Variants in SH3BGRL2 observed in about 807,000 individuals in gnomAD.
The protein encoded by SH3BGRL2 is SH3 domain binding glutamate rich protein like 2.
Under a neutral mutation model 14.8 loss-of-function variants are expected in SH3BGRL2, and 21 were observed. The ratio of observed to expected loss-of-function variants is 1.42; its 90% confidence interval spans 1.01 to 2.05. SH3BGRL2 has a LOEUF of 2.05. SH3BGRL2 is among the 30% of genes most tolerant of loss of function. The pLI is 0.00. For missense variants in SH3BGRL2, 147 were observed against 130.8 expected, an observed-to-expected ratio of 1.12 and a Z score of -0.61; for synonymous variants, 50 against 47.8, an observed-to-expected ratio of 1.05 and a Z score of -0.19.
chr6:79,589,944 GT>G, the SH3BGRL2 span, among the ~76,000 whole-genome samples: 1 of 150,076 alleles, frequency 6.7e-6, no homozygotes, highest in African/African-American at 2.4e-5. Context: ...ACTAATTTTT[GT>G]TTTTTTTTGT....
the SH3BGRL2 span, among the ~76,000 whole-genome samples, chr6:79,558,108 A>G: frequency 6.6e-6 from 1 of 152,234 alleles, no homozygotes. Flanking sequence ...CAGTCAAATG[A>G]GTTTCACTTG....
intron 1 of SH3BGRL2, among the ~76,000 whole-genome samples, chr6:79,648,166 C>T (rs1769179771): frequency 6.7e-6 from 1 of 148,278 alleles, no homozygotes; most frequent in Non-Finnish European, 1.5e-5. Flanking sequence ...GAGCTTACAG[C>T]TTCAAGGCCT....
chr6:79,582,340 C>T, the SH3BGRL2 span, among the ~76,000 whole-genome samples: 11 of 152,190 alleles, frequency 7.2e-5, no homozygotes, highest in African/African-American at 2.6e-4. Context: ...CAATCCTAAG[C>T]AAAAAGAACA....
Position 79,673,601 on chromosome 6 carries a change from C to T in SH3BGRL2, c.46-13C>T, listed in dbSNP as rs1164230393. ...TAAGCGTATCTACTTATTTGTTTGT[C>T]TTCTCTCTTTAGATAAAGAAGAAGC... On this transcript the variant is annotated splice_polypyrimidine_tract_variant and intron_variant, in intron 1 of 3. Transcript: ENST00000369838. 6.2e-7 allele frequency: 1 copy of T among 1,612,360 alleles called. No homozygotes were observed. The highest frequency in any genetic ancestry group is 1.7e-5 in the Admixed American group (1 of 59,762).
the SH3BGRL2 span, among the ~76,000 whole-genome samples, chr6:79,586,237 T>TG: frequency 1.3e-5 from 1 of 77,484 alleles, no homozygotes; most frequent in Non-Finnish European, 3.0e-5. Context: ...ATGGACTTCT[T>TG]TTTTTTTTTT....
chr6:79,550,272 G>A, the SH3BGRL2 span, among the ~76,000 whole-genome samples: 1 of 151,958 alleles, frequency 6.6e-6, no homozygotes, highest in African/African-American at 2.4e-5. Context: ...TGCAGCTACT[G>A]GTAACAGGAA....
chr6:79,656,814 GA>G (rs1489873279), intron 1 of SH3BGRL2, among the ~76,000 whole-genome samples: 2 of 151,934 alleles, frequency 1.3e-5, no homozygotes, highest in Non-Finnish European at 1.5e-5. Context: ...GGGGGTTGGG[GA>G]GAGCTCCTGA....
chr6:79,624,995 C>T, the SH3BGRL2 span, among the ~76,000 whole-genome samples: 1 of 151,842 alleles, frequency 6.6e-6, no homozygotes, highest in Non-Finnish European at 1.5e-5. Context: ...ACATAGACTC[C>T]GTGTCTACAA....
chr6:79,538,602 G>C, the SH3BGRL2 span, among the ~76,000 whole-genome samples: 1 of 152,132 alleles, frequency 6.6e-6, no homozygotes, highest in Non-Finnish European at 1.5e-5. Context: ...TGTTAAAATA[G>C]CTCACTCGTT....
the SH3BGRL2 span, among the ~76,000 whole-genome samples, chr6:79,581,112 AC>A: frequency 6.6e-6 from 1 of 152,182 alleles, no homozygotes; most frequent in Non-Finnish European, 1.5e-5. Flanking sequence ...ATCTGAATAG[AC>A]CAATAACAGG....
At chr6:79,547,215 A>G in the SH3BGRL2 span, among the ~76,000 whole-genome samples, 1 of 151,892 alleles carries the variant, frequency 6.6e-6, no homozygotes, top group Non-Finnish European at 1.5e-5. Flanking sequence ...TATGACCTTA[A>G]AGGACATGGC....
chr6:79,699,219 A>G (rs549317344), intron 3 of SH3BGRL2, among the ~76,000 whole-genome samples: 16 of 152,322 alleles, frequency 1.1e-4, no homozygotes, highest in Admixed American at 7.2e-4. Context: ...GCCATACACA[A>G]GTGGAACAGT....
At chr6:79,615,036 C>T in the SH3BGRL2 span, among the ~76,000 whole-genome samples, 9 of 131,664 alleles carry the variant, frequency 6.8e-5, no homozygotes, top group Admixed American at 7.6e-5. Context: ...TATAGGTTGC[C>T]TGCATAAGCG....
At chr6:79,596,271 A>C in the SH3BGRL2 span, among the ~76,000 whole-genome samples, 3 of 152,204 alleles carry the variant, frequency 2.0e-5, no homozygotes, top group South Asian at 6.2e-4. Flanking sequence ...CGATCCTCCC[A>C]CCTCAGCACC....
chr6:79,564,981 C>G, the SH3BGRL2 span, among the ~76,000 whole-genome samples: 143 of 152,152 alleles, frequency 9.4e-4, no homozygotes, highest in African/African-American at 3.1e-3. Context: ...TTTCCCCTGG[C>G]AGAAGAACAC....
chr6:79,648,796 C>T (rs890318909), intron 1 of SH3BGRL2, among the ~76,000 whole-genome samples: 3 of 152,168 alleles, frequency 2.0e-5, no homozygotes, highest in East Asian at 1.9e-4. Flanking sequence ...CAAAGAGGAA[C>T]GGGATTAGAG....
chr6:79,615,835 T>TC, the SH3BGRL2 span, among the ~76,000 whole-genome samples: 66 of 147,214 alleles, frequency 4.5e-4, no homozygotes, highest in Admixed American at 2.1e-3. Context: ...TTTCTTTCTT[T>TC]TTTTTTTTTT....
At chr6:79,544,582 C>A in the SH3BGRL2 span, among the ~76,000 whole-genome samples, 1 of 152,190 alleles carries the variant, frequency 6.6e-6, no homozygotes, top group Non-Finnish European at 1.5e-5. Flanking sequence ...TTTACCAGCA[C>A]ACCTCCAAAT....
At chr6:79,545,804 A>T in the SH3BGRL2 span, among the ~76,000 whole-genome samples, 1 of 152,214 alleles carries the variant, frequency 6.6e-6, no homozygotes, top group Admixed American at 6.5e-5. Context: ...GGAAAGAGAA[A>T]AGCTAAGCCT....
Sources: gnomAD v4.1 joint callset for allele counts (sites outside exome capture counted in the v4.1 genomes callset) on GRCh38, gnomAD v4.1.1 for gene constraint, MANE v1.5 for transcripts, NCBI Gene and HGNC (gene_info 2026-07-23, HGNC 2026-07-21) for gene names.